The following FZD3 variants were observed in gnomAD, a reference collection of about 807,000 sequenced individuals.
FZD3 encodes the protein frizzled-3.
Under a neutral mutation model 60.7 loss-of-function variants are expected in FZD3, and 30 were observed. The ratio of observed to expected loss-of-function variants is 0.49; its 90% CI spans 0.37 to 0.67. The LOEUF is 0.67. Ranked by LOEUF, FZD3 falls within the 30% of genes least tolerant of loss-of-function variation. The pLI is 0.00. For synonymous variants in FZD3, 246 were observed against 275.2 expected (o/e 0.89, Z 1.05); for missense variants, 605 against 838.7 (o/e 0.72, Z 3.44).
intron 5 of FZD3, among the ~76,000 whole-genome samples, chr8:28,545,856 C>T (rs1175243237): frequency 6.6e-6 from 1 of 152,204 alleles, no homozygotes; most frequent in East Asian, 1.9e-4. Context: ...ATATTACAGC[C>T]ATGCACCACA....
At chr8:28,544,725 A>C (rs758236413) in intron 5 of FZD3, among the ~76,000 whole-genome samples, 2 of 152,340 alleles carry the variant, frequency 1.3e-5, no homozygotes, top group Middle Eastern at 3.4e-3. Context: ...CTGCAAATCA[A>C]TATAACCACA....
In FZD3 at chr8:28,564,596, C is replaced by G. The variant is rs1359095680; in HGVS notation, c.*1585C>G. 1 of 152,088 alleles carries G rather than the reference C, an allele frequency of 6.6e-6. No individual in the cohort carries two copies. The highest frequency in any genetic ancestry group is 6.6e-5 in the Admixed American group (1 of 15,256). The allele number at this position is 152,088 out of a possible 1,614,324, so 9.4% of individuals were successfully genotyped here. On this transcript the variant is annotated 3_prime_UTR_variant, in exon 8 of 8. Transcript: ENST00000240093. ...CTGTCTTTCGCTTTTATATCATTAT[C>G]TAATATTCAGTTGTTCTGCACCTGA...
intron 3 of FZD3, among the ~76,000 whole-genome samples, chr8:28,519,269 T>C (rs2130344336): frequency 6.6e-6 from 1 of 152,342 alleles, no homozygotes; most frequent in African/African-American, 2.4e-5. Context: ...AAATATTCCA[T>C]AGTCAAAAGC....
intron 5 of FZD3, among the ~76,000 whole-genome samples, chr8:28,538,534 T>A (rs560692565): frequency 6.6e-6 from 1 of 152,294 alleles, no homozygotes; most frequent in Non-Finnish European, 1.5e-5. Context: ...AGCTGGGATG[T>A]GAACTGATTC....
intron 3 of FZD3, among the ~76,000 whole-genome samples, chr8:28,515,501 A>T (rs944720276): frequency 1.3e-5 from 2 of 152,202 alleles, no homozygotes; most frequent in Non-Finnish European, 2.9e-5. Flanking sequence ...TTCTCTCCTG[A>T]GTCTTCCCCT....
intron 5 of FZD3, among the ~76,000 whole-genome samples, chr8:28,548,535 A>G (rs1805346584): frequency 6.6e-6 from 1 of 152,196 alleles, no homozygotes; most frequent in Admixed American, 6.5e-5. Flanking sequence ...ATTTTTTTCT[A>G]GAAGCCTGTC....
At chr8:28,501,897 A>C (rs1239453606) in intron 2 of FZD3, among the ~76,000 whole-genome samples, 1 of 152,240 alleles carries the variant, frequency 6.6e-6, no homozygotes, top group Non-Finnish European at 1.5e-5. Context: ...ACTGTCTAAA[A>C]AATAATATAA....
chr8:28,514,429 A>G (rs1804370263), intron 3 of FZD3, among the ~76,000 whole-genome samples: 2 of 152,208 alleles, frequency 1.3e-5, no homozygotes, highest in Admixed American at 1.3e-4. Flanking sequence ...GCCCTCATAT[A>G]AAGCATTCAG....
Position 28,496,301 on chromosome 8 carries a change from A to G in FZD3, c.-391+1958A>G, listed in dbSNP as rs117780399. Among the ~76,000 whole-genome samples, 705 of 152,328 alleles carry G rather than the reference A, an allele frequency of 4.6e-3. 5 individuals carry two copies. The highest frequency in any genetic ancestry group is 0.014 in the African/African-American group (573 of 41,574). On this transcript the variant is annotated intron_variant, in intron 1 of 7. Coordinates refer to ENST00000240093, the MANE Select transcript of FZD3 (RefSeq NM_017412.4). ...GTGAAACTCTAAGATTTTATAGTCAAAACTTTTTCTGAGCATGTGAGTTTG... is the reference window on the plus strand; with the variant it reads ...GTGAAACTCTAAGATTTTATAGTCAGAACTTTTTCTGAGCATGTGAGTTTG...
chr8:28,559,450 C>A (rs928936471), intron 7 of FZD3, among the ~76,000 whole-genome samples: 1 of 152,152 alleles, frequency 6.6e-6, no homozygotes. Flanking sequence ...CTAGGTGACA[C>A]CGTATTCCTC....
At chr8:28,539,086 C>A (rs1278379253) in intron 5 of FZD3, among the ~76,000 whole-genome samples, 2 of 152,108 alleles carry the variant, frequency 1.3e-5, no homozygotes, top group African/African-American at 4.8e-5. Context: ...GATAGTTATA[C>A]CCTATATCAG....
Position 28,527,636 on chromosome 8 carries a change from A to G in FZD3, c.876A>G (p.Ile292Met). The change falls in exon 5 of 8, where the codon ATA becomes ATG. Residue 292 changes from isoleucine (I) to methionine (M), a missense_variant. Transcript: ENST00000240093. This position sits in a 1 kb window ranked among gnomAD's most constrained non-coding sequence, Gnocchi z 5.0. ...AAGCCTGTACCATGCTTTTTATGAT[A>G]CTCTATTTTTTTACTATGGCTGGCA... ...HNKACTMLFM[I>M]LYFFTMAGSV... is the part of the protein sequence containing the mutation. 1 of 1,613,934 alleles carries G rather than the reference A, an allele frequency of 6.2e-7. No individual in the cohort carries two copies. Among genetic ancestry groups the G allele is most frequent in the African/African-American group, 1.3e-5 (1 of 75,006 alleles).
chr8:28,552,953 T>G (rs928633384), intron 6 of FZD3, among the ~76,000 whole-genome samples: 1 of 152,212 alleles, frequency 6.6e-6, no homozygotes, highest in Non-Finnish European at 1.5e-5. Context: ...TAAAGTGATG[T>G]ATTAGGTACT....
In FZD3 at chr8:28,563,274, T is replaced by C; in HGVS notation, c.*263T>C. 1 of 406,508 alleles carries C rather than the reference T, an allele frequency of 2.5e-6. No homozygotes were observed. The highest frequency in any genetic ancestry group is 2.6e-5 in the South Asian group (1 of 38,668). 25.2% of individuals were successfully genotyped at this position (406,508 alleles called of 1,614,324 possible). On this transcript the variant is annotated 3_prime_UTR_variant, in exon 8 of 8. Coordinates refer to ENST00000240093, the MANE Select transcript of FZD3 (RefSeq NM_017412.4). ...GAGATAATTATTTGTCTGGTAAGCA[T>C]TTTTATAAACCCACTCATTTTATAT...
In FZD3 at chr8:28,527,029, A is replaced by C; in HGVS notation, c.387-118A>C. The stretch of plus-strand genomic sequence containing the variant: ...ACCATTTACTTTATTTCTACATATT[A>C]CATTTGCTCTCCAGGAATAAATAAG... On this transcript the variant is annotated intron_variant, in intron 4 of 7. Transcript: ENST00000240093. This position sits in a 1 kb window ranked among gnomAD's most constrained non-coding sequence, Gnocchi z 5.0. 1.2e-6 allele frequency: 1 copy of C among 841,438 alleles called. No homozygotes were observed. Among genetic ancestry groups the C allele is most frequent in the South Asian group, 1.7e-5 (1 of 58,772 alleles). The allele number at this position is 841,438 out of a possible 1,614,324, so 52.1% of individuals were successfully genotyped here.
rs1402865716 is a variant in FZD3 at position 28,523,334 on chromosome 8, A to G, written c.386+2500A>G. On this transcript the variant is annotated intron_variant, in intron 4 of 7. Transcript: ENST00000240093. Reference sequence around the variant, plus strand: ...GCTGCATCCTCCACTGGGTAGGAACACAGTTTCCCCATGTGGCAGGATAGC... The same window carrying G: ...GCTGCATCCTCCACTGGGTAGGAACGCAGTTTCCCCATGTGGCAGGATAGC... 5.3e-5 allele frequency among the ~76,000 whole-genome samples: 8 copies of G among 152,310 alleles called. No individual in the cohort carries two copies. The South Asian group carries it at 1.7e-3, about 32-fold the overall frequency.
Position 28,570,197 on chromosome 8 carries a change from A to C in FZD3, c.*7186A>C, listed in dbSNP as rs949642046. 2 of 152,230 alleles carry C rather than the reference A, an allele frequency of 1.3e-5. No homozygotes were observed. The highest frequency in any genetic ancestry group is 4.8e-5 in the African/African-American group (2 of 41,462). 9.4% of individuals were successfully genotyped at this position (152,230 alleles called of 1,614,324 possible). ...AATTCCTTAATTGTCATCTGATATA[A>C]TGTAGAGATTGAGGCCAGACGCAGT... On this transcript the variant is annotated 3_prime_UTR_variant, in exon 8 of 8. Coordinates refer to ENST00000240093, the MANE Select transcript of FZD3 (RefSeq NM_017412.4).
At chr8:28,516,718 T>G (rs1478133746) in intron 3 of FZD3, among the ~76,000 whole-genome samples, 1 of 152,176 alleles carries the variant, frequency 6.6e-6, no homozygotes, top group Non-Finnish European at 1.5e-5. Flanking sequence ...TGGGTTTATA[T>G]CTACAGTCTT....
At chr8:28,531,400 C>T (rs1037876398) in intron 5 of FZD3, among the ~76,000 whole-genome samples, 1 of 152,070 alleles carries the variant, frequency 6.6e-6, no homozygotes, top group Admixed American at 6.5e-5. Context: ...TTTATTCACT[C>T]ATTTATTGAT....
Sources: allele counts gnomAD v4.1 joint callset (sites outside exome capture counted in the v4.1 genomes callset), GRCh38; gene constraint gnomAD v4.1.1; non-coding constraint Gnocchi (gnomAD v3.1); transcripts MANE v1.5; gene names NCBI Gene and HGNC (gene_info 2026-07-23, HGNC 2026-07-21).